Variants in GAB4 observed in about 807,000 individuals in gnomAD.
GAB4 encodes GRB2-associated-binding protein 4.
In GAB4, 26 loss-of-function variants were observed where a neutral mutation model predicts 51.3. That is an observed-to-expected ratio of 0.51 (90% confidence interval 0.37 to 0.70). The LOEUF (loss-of-function observed/expected upper bound fraction) is 0.70, where lower values mean the gene tolerates loss of function less well. Ranked by LOEUF, GAB4 falls within the 30% of genes least tolerant of loss-of-function variation. GAB4 has a pLI of 0.00. For synonymous variants in GAB4, 329 were observed against 291.2 expected, an observed-to-expected ratio of 1.13 and a Z score of -1.32; for missense variants, 759 against 734.6, an observed-to-expected ratio of 1.03 and a Z score of -0.38.
intron 3 of GAB4, among the ~76,000 whole-genome samples, chr22:16,985,950 G>A (rs1169538276): frequency 2.0e-5 from 3 of 152,216 alleles, no homozygotes; most frequent in Admixed American, 2.0e-4. Flanking sequence ...TTAACATGAG[G>A]CAGACAGCCC....
chr22:16,971,455 T>C (rs1476189083), intron 3 of GAB4, among the ~76,000 whole-genome samples: 2 of 152,364 alleles, frequency 1.3e-5, no homozygotes, highest in African/African-American at 2.4e-5. Flanking sequence ...GTGGGCGCTC[T>C]AGGAAATTGC....
chr22:16,989,835 C>T (rs960416569), intron 2 of GAB4, among the ~76,000 whole-genome samples: 3 of 152,228 alleles, frequency 2.0e-5, no homozygotes, highest in Non-Finnish European at 2.9e-5. Context: ...CTCAGCCTCA[C>T]CCTGACTCCG....
At chr22:17,003,193 A>G (rs2061011753) in intron 1 of GAB4, among the ~76,000 whole-genome samples, 1 of 152,182 alleles carries the variant, frequency 6.6e-6, no homozygotes. Flanking sequence ...GTTCTTAGTG[A>G]CCTAGAAAGA....
chr22:16,980,136 C>T (rs2060815180), intron 3 of GAB4, among the ~76,000 whole-genome samples: 1 of 152,122 alleles, frequency 6.6e-6, no homozygotes, highest in African/African-American at 2.4e-5. Flanking sequence ...AAAGCAATGG[C>T]AACAAAAGCC....
rs762802259 is a variant in GAB4, at chr22:16,966,308, C to T, written c.1080G>A (p.Val360=). Residue 360 remains valine (V), a synonymous_variant, in exon 6 of 10, where the codon GTG becomes GTA. Transcript: ENST00000400588. ...SDSIASEGSC[V]PMNPGSPTLP... The stretch of plus-strand genomic sequence containing the variant: ...GGGTAGGGGAGCCTGGGTTCATGGG[C>T]ACACAGCTGCCCTCAGAAGCAATGC... The T allele has an allele frequency of 4.3e-6, 7 of 1,613,714 alleles. No individual in the cohort carries two copies. The highest frequency in any genetic ancestry group is 5.9e-6 in the Non-Finnish European group (7 of 1,179,946).
At chr22:16,986,933 G>A (rs12158018) in intron 3 of GAB4, among the ~76,000 whole-genome samples, 3,003 of 152,304 alleles carry the variant, frequency 0.02, 122 homozygotes, top group African/African-American at 0.068. Flanking sequence ...AGCAAAGTGT[G>A]GGGCAAAGAG....
Position 16,963,711 on chromosome 22 carries a change from T to A in GAB4, c.1581+14A>T. 9 of 1,603,388 alleles carry A rather than the reference T, an allele frequency of 5.6e-6. No homozygotes were observed. The highest frequency in any genetic ancestry group is 7.7e-6 in the Non-Finnish European group (9 of 1,172,022). ...CCCAAGGGCTCTGCCCAACCCCAGC[T>A]CCACCCCAGGCACCTTGCTCGGCTG... On this transcript the variant is annotated intron_variant, in intron 9 of 9. Coordinates refer to ENST00000400588, the MANE Select transcript of GAB4 (RefSeq NM_001037814.1).
rs2123641517 is a variant in GAB4, at chr22:16,966,327, G to A, written c.1061C>T (p.Ala354Val). Residue 354 changes from alanine (A) to valine (V), a missense_variant, in exon 6 of 10, where the codon GCT (alanine) becomes GTT (valine). By Grantham distance (64) the Ala-to-Val change is moderately conservative. Coordinates refer to ENST00000400588, the MANE Select transcript of GAB4 (RefSeq NM_001037814.1). ...RTLVGLSDSI[A>V]SEGSCVPMNP... ...CATGGGCACACAGCTGCCCTCAGAAGCAATGCTGTCTGACAGGCCCACAAG... is the reference window on the plus strand; with the variant it reads ...CATGGGCACACAGCTGCCCTCAGAAACAATGCTGTCTGACAGGCCCACAAG... The A allele has an allele frequency of 6.2e-7, 1 of 1,613,514 alleles. No homozygotes were observed. Among genetic ancestry groups the A allele is most frequent in the Non-Finnish European group, 8.5e-7 (1 of 1,179,830 alleles).
chr22:17,007,988 T>G lies in GAB4; in HGVS notation c.127A>C (p.Ser43Arg), dbSNP rs748735693. ...GGGGGCGACTTCCTCAGCCAGCCGCTGTACAGCACGTGGCCACTTCTCGTG... is the reference window on the plus strand; with the variant it reads ...GGGGGCGACTTCCTCAGCCAGCCGCGGTACAGCACGTGGCCACTTCTCGTG... ...GSTRSGHVLY[S>R]GWLRKSPPEK... is the part of the protein sequence containing the mutation. The change falls in exon 1 of 10, where the codon AGC (serine) becomes CGC (arginine). Residue 43 changes from serine to arginine, a missense_variant. Physicochemically the swap from Ser to Arg is moderately radical, Grantham distance 110. Around this residue, in one of 3 missense-constraint regions of GAB4, gnomAD observed 83 missense variants for 73.1 expected, o/e 1.14. Transcript: ENST00000400588. The G allele has an allele frequency of 6.2e-7, 1 of 1,612,178 alleles. No homozygotes were observed. Among genetic ancestry groups the G allele is most frequent in the Non-Finnish European group, 8.5e-7 (1 of 1,179,188 alleles).
chr22:16,989,790 T>C (rs763084166), intron 2 of GAB4, among the ~76,000 whole-genome samples: 2 of 152,224 alleles, frequency 1.3e-5, no homozygotes, highest in Non-Finnish European at 2.9e-5. Flanking sequence ...CTGCCTTCAA[T>C]GGAGCTATTC....
intron 3 of GAB4, among the ~76,000 whole-genome samples, chr22:16,987,014 G>A (rs982525261): frequency 5.3e-5 from 8 of 152,164 alleles, no homozygotes; most frequent in Non-Finnish European, 1.2e-4. Flanking sequence ...AGCCTCAGGT[G>A]CTTCACCTAT....
At chr22:16,981,403 A>G (rs1209873194) in intron 3 of GAB4, among the ~76,000 whole-genome samples, 1 of 152,086 alleles carries the variant, frequency 6.6e-6, no homozygotes, top group African/African-American at 2.4e-5. Flanking sequence ...TTAACAAAAA[A>G]TGAGTCAAGC....
chr22:17,002,413 G>C (rs1355138867), intron 1 of GAB4, among the ~76,000 whole-genome samples: 4 of 152,056 alleles, frequency 2.6e-5, no homozygotes, highest in African/African-American at 9.7e-5. Flanking sequence ...GTCACCACCA[G>C]GCCTGCCTTA....
intron 1 of GAB4, among the ~76,000 whole-genome samples, chr22:16,996,617 G>A (rs1601285901): frequency 6.6e-6 from 1 of 152,146 alleles, no homozygotes; most frequent in Non-Finnish European, 1.5e-5. Context: ...TCTCTCTGCA[G>A]AAACCTTACA....
intron 2 of GAB4, among the ~76,000 whole-genome samples, chr22:16,991,564 G>C (rs563574392): frequency 6.6e-6 from 1 of 152,346 alleles, no homozygotes; most frequent in Admixed American, 6.5e-5. Context: ...AAGTGCAACT[G>C]TGCCAGGTGG....
Position 16,970,202 on chromosome 22 carries a change from G to C in GAB4, c.687-9C>G, listed in dbSNP as rs1173232840. 1 of 1,613,680 alleles carries C rather than the reference G, an allele frequency of 6.2e-7. No individual in the cohort carries two copies. ...GGGAGAAGCTGGCACTCCTAAGAGA[G>C]AGAAAGAAGGGAAGGGGCAGGGGTG... On this transcript the variant is annotated splice_polypyrimidine_tract_variant and intron_variant, in intron 3 of 9. Coordinates refer to ENST00000400588, the MANE Select transcript of GAB4 (RefSeq NM_001037814.1).
intron 1 of GAB4, among the ~76,000 whole-genome samples, chr22:16,996,092 A>C (rs1211901265): frequency 6.6e-6 from 1 of 152,000 alleles, no homozygotes; most frequent in Admixed American, 6.6e-5. Flanking sequence ...AACTAGGATA[A>C]CCAGTTTAGA....
intron 8 of GAB4, 28 bp from the exon 9 acceptor site, chr22:16,963,857 A>G: frequency 6.3e-7 from 1 of 1,576,044 alleles, no homozygotes; most frequent in East Asian, 2.2e-5. Context: ...AAAATCCTGC[A>G]AATGAGTTCA....
intron 3 of GAB4, among the ~76,000 whole-genome samples, chr22:16,982,982 C>T (rs2060839261): frequency 6.6e-6 from 1 of 152,176 alleles, no homozygotes; most frequent in Admixed American, 6.5e-5. Context: ...GGCATAAAAC[C>T]CCTAGTGGCC....
Sources: allele counts gnomAD v4.1 joint callset (sites outside exome capture counted in the v4.1 genomes callset), GRCh38; gene constraint gnomAD v4.1.1; regional missense constraint gnomAD v4.1.1; transcripts MANE v1.5; gene names NCBI Gene and HGNC (gene_info 2026-07-23, HGNC 2026-07-21).